Variants in POMGNT2 observed in about 807,000 individuals in gnomAD.
POMGNT2 encodes the protein protein O-linked mannose N-acetylglucosaminyltransferase 2 (beta 1,4-).
POMGNT2 carries 32 observed loss-of-function variants against 37.8 expected under a neutral mutation model. That is an observed-to-expected ratio of 0.85 (90% CI 0.64 to 1.14). The LOEUF (loss-of-function observed/expected upper bound fraction) is 1.14, where lower values mean the gene tolerates loss of function less well. Ranked by LOEUF, POMGNT2 falls within the 50% of genes most tolerant of loss-of-function variation. The probability of loss-of-function intolerance (pLI) is 0.00; values close to 1 mark genes in which losing one functional copy is unlikely to be tolerated. For synonymous variants in POMGNT2, 340 were observed against 336.8 expected (o/e 1.01, Z -0.10); for missense variants, 705 against 780.6 (o/e 0.90, Z 1.15).
chr3:43,080,782 C>T lies in POMGNT2; in HGVS notation c.650G>A (p.Arg217Gln), dbSNP rs368280765. The stretch of plus-strand genomic sequence containing the variant: ...CCGGCCCAGGGTCTTCAGCTGTGCC[C>T]GCAGGAGAGGCTGCTTGGGGCTGAG... ...KLLSPKQPLL[R>Q]AQLKTLGRLL... is the part of the protein sequence containing the mutation. Residue 217 changes from arginine (R) to glutamine (Q), a missense_variant, in exon 2 of 2, where the codon CGG (arginine) becomes CAG (glutamine). Coordinates refer to ENST00000344697, the MANE Select transcript of POMGNT2 (RefSeq NM_032806.6). 79 of 1,613,906 alleles carry T rather than the reference C, an allele frequency of 4.9e-5. No individual in the cohort carries two copies. The Middle Eastern group carries it at 6.6e-4, about 13-fold the overall frequency.
chr3:43,085,404 G>A (rs2089889467), intron 1 of POMGNT2, among the ~76,000 whole-genome samples: 1 of 152,024 alleles, frequency 6.6e-6, no homozygotes, highest in Non-Finnish European at 1.5e-5. Flanking sequence ...TGAGATGACT[G>A]CATCTTGGGT....
chr3:43,080,767 G>A lies in POMGNT2; in HGVS notation c.665C>T (p.Thr222Ile). ...KQPLLRAQLK[T>I]LGRLLCFSHA... ...GGAGAAGCACAGCAGCCGGCCCAGG[G>A]TCTTCAGCTGTGCCCGCAGGAGAGG... The change falls in exon 2 of 2, where the codon ACC (threonine) becomes ATC (isoleucine). Residue 222 changes from threonine to isoleucine, a missense_variant. Coordinates refer to ENST00000344697, the MANE Select transcript of POMGNT2 (RefSeq NM_032806.6). The A allele has an allele frequency of 6.2e-7, 1 of 1,614,128 alleles. No individual in the cohort carries two copies. The highest frequency in any genetic ancestry group is 8.5e-7 in the Non-Finnish European group (1 of 1,180,038).
intron 1 of POMGNT2, among the ~76,000 whole-genome samples, chr3:43,099,340 G>C (rs1289211740): frequency 2.6e-5 from 4 of 152,172 alleles, no homozygotes. Context: ...GGGTGGGTGA[G>C]TTTTGAGCAA....
intron 1 of POMGNT2, among the ~76,000 whole-genome samples, chr3:43,099,071 G>T (rs952062950): frequency 6.6e-6 from 1 of 151,980 alleles, no homozygotes; most frequent in Non-Finnish European, 1.5e-5. Context: ...AACCTCTGTT[G>T]TGTGGCTCAC....
intron 1 of POMGNT2, among the ~76,000 whole-genome samples, chr3:43,085,073 G>C (rs553855880): frequency 2.0e-4 from 31 of 152,118 alleles, no homozygotes; most frequent in Admixed American, 1.9e-3. Context: ...TACCATCGTG[G>C]CTGGGAGGGG....
chr3:43,095,471 T>C (rs2089973278), intron 1 of POMGNT2, among the ~76,000 whole-genome samples: 1 of 152,122 alleles, frequency 6.6e-6, no homozygotes, highest in Non-Finnish European at 1.5e-5. Flanking sequence ...GATCAGCCCT[T>C]TTCCTGCTTG....
chr3:43,087,598 G>C (rs2125705107), intron 1 of POMGNT2: 1 of 152,346 alleles, frequency 6.6e-6, no homozygotes, highest in East Asian at 1.9e-4. Flanking sequence ...AGTCTGATAT[G>C]GATGAGCTGC....
Position 43,080,746 on chromosome 3 carries a change from A to C in POMGNT2, c.686T>G (p.Phe229Cys). Residue 229 changes from phenylalanine (F) to cysteine (C), a missense_variant, in exon 2 of 2, where the codon TTC (phenylalanine) becomes TGC (cysteine). Transcript: ENST00000344697. ...QLKTLGRLLC[F>C]SHAFVGLSKI... ...GGAGAGGCCCACAAAAGCATGGGAG[A>C]AGCACAGCAGCCGGCCCAGGGTCTT... 1.9e-6 allele frequency: 3 copies of C among 1,614,100 alleles called. No individual in the cohort carries two copies. The highest frequency in any genetic ancestry group is 2.5e-6 in the Non-Finnish European group (3 of 1,180,032).
At position 43,082,441 on chromosome 3, in the gene POMGNT2, A is replaced by G. The variant is rs151292144; in HGVS notation, c.-105-905T>C. 4.1e-3 allele frequency among the ~76,000 whole-genome samples: 625 copies of G among 152,328 alleles called. 7 individuals carry two copies. The highest frequency in any genetic ancestry group is 0.014 in the African/African-American group (583 of 41,568). On this transcript the variant is annotated intron_variant, in intron 1 of 1. Coordinates refer to ENST00000344697, the MANE Select transcript of POMGNT2 (RefSeq NM_032806.6). ...GGTAAGATAATTGTATCTGGGTATC[A>G]TCATTGAAAAATGTTTTGTGTACTG...
chr3:43,105,152 ACT>A (rs1428036711), intron 1 of POMGNT2, among the ~76,000 whole-genome samples: 1 of 152,190 alleles, frequency 6.6e-6, no homozygotes, highest in Non-Finnish European at 1.5e-5. Context: ...CTGGTGCAAG[ACT>A]CTGGCCTGAC....
intron 1 of POMGNT2, among the ~76,000 whole-genome samples, chr3:43,092,067 G>C (rs1376181071): frequency 6.6e-6 from 1 of 152,164 alleles, no homozygotes; most frequent in Admixed American, 6.5e-5. Flanking sequence ...TCCTGGACCA[G>C]AAAGGGAATA....
At chr3:43,090,955 T>G (rs1363204043) in intron 1 of POMGNT2, among the ~76,000 whole-genome samples, 1 of 152,216 alleles carries the variant, frequency 6.6e-6, no homozygotes, top group African/African-American at 2.4e-5. Flanking sequence ...TCAAACACTT[T>G]TTGTATACAC....
rs1233098040 is a variant in POMGNT2, at chr3:43,081,514, G to C, written c.-83C>G. ...AGGCAGGCTTCACCCATCCCTATGG[G>C]CATCCTGAGAACTGGTGAAAGCCTG... is the stretch of plus-strand genomic sequence containing the variant. On this transcript the variant is annotated 5_prime_UTR_variant, in exon 2 of 2. Transcript: ENST00000344697. 1 of 1,185,246 alleles carries C rather than the reference G, an allele frequency of 8.4e-7. No individual in the cohort carries two copies. The highest frequency in any genetic ancestry group is 1.5e-5 in the African/African-American group (1 of 64,730). The allele number at this position is 1,185,246 out of a possible 1,614,324, so 73.4% of individuals were successfully genotyped here.
At chr3:43,100,272 T>C (rs187474788) in intron 1 of POMGNT2, among the ~76,000 whole-genome samples, 22 of 152,280 alleles carry the variant, frequency 1.4e-4, no homozygotes, top group Non-Finnish European at 1.0e-4. Flanking sequence ...AAAAAAAGTA[T>C]CAATTTAAAA....
At position 43,080,710 on chromosome 3, in the gene POMGNT2, G is replaced by A; in HGVS notation, c.722C>T (p.Thr241Ile). 6.2e-7 allele frequency: 1 copy of A among 1,614,180 alleles called. No homozygotes were observed. The highest frequency in any genetic ancestry group is 8.5e-7 in the Non-Finnish European group (1 of 1,180,056). ...HAFVGLSKIT[T>I]WYQYGFVQPQ... ...CTGCACAAAGCCATACTGGTACCAGGTAGTGATCTTGGAGAGGCCCACAAA... is the reference window on the plus strand; with the variant it reads ...CTGCACAAAGCCATACTGGTACCAGATAGTGATCTTGGAGAGGCCCACAAA... Residue 241 changes from threonine (T) to isoleucine (I), a missense_variant, in exon 2 of 2, where the codon ACC becomes ATC. By Grantham distance (89) the Thr-to-Ile change is moderately conservative. Coordinates refer to ENST00000344697, the MANE Select transcript of POMGNT2 (RefSeq NM_032806.6).
At chr3:43,090,738 T>C (rs545046693) in intron 1 of POMGNT2, 1 of 152,192 alleles carries the variant, frequency 6.6e-6, no homozygotes, top group South Asian at 2.1e-4. Context: ...GGAGAGACTG[T>C]CTTACCAGGG....
At chr3:43,093,997 T>C (rs1243092198) in intron 1 of POMGNT2, among the ~76,000 whole-genome samples, 1 of 152,222 alleles carries the variant, frequency 6.6e-6, no homozygotes, top group Non-Finnish European at 1.5e-5. Flanking sequence ...TTTGTCACTA[T>C]GGAGACATGG....
chr3:43,105,090 C>T (rs1008641942), intron 1 of POMGNT2, among the ~76,000 whole-genome samples: 1 of 152,224 alleles, frequency 6.6e-6, no homozygotes, highest in Non-Finnish European at 1.5e-5. Flanking sequence ...CCCAAGAGTA[C>T]GCTCTAAGTG....
chr3:43,084,387 T>C (rs2125703022), intron 1 of POMGNT2, among the ~76,000 whole-genome samples: 1 of 152,236 alleles, frequency 6.6e-6, no homozygotes, highest in African/African-American at 2.4e-5. Flanking sequence ...GGTTCACACC[T>C]GTAATCCCAG....
Sources: gnomAD v4.1 joint callset for allele counts (sites outside exome capture counted in the v4.1 genomes callset) on GRCh38, gnomAD v4.1.1 for gene constraint, MANE v1.5 for transcripts, NCBI Gene and HGNC (gene_info 2026-07-23, HGNC 2026-07-21) for gene names.